PLXDC2: variants seen among roughly 807,000 people sequenced by gnomAD.
PLXDC2 encodes the protein plexin domain-containing protein 2.
In PLXDC2, 40 loss-of-function variants were observed where a neutral mutation model predicts 68.9. That is an observed-to-expected ratio of 0.58 (90% CI 0.45 to 0.76). The LOEUF (loss-of-function observed/expected upper bound fraction) is 0.76, where lower values mean the gene tolerates loss of function less well. PLXDC2 is among the 30% of genes least tolerant of loss of function. PLXDC2 has a pLI of 0.00. For missense variants in PLXDC2, 644 were observed against 661.9 expected (o/e 0.97, Z 0.30); for synonymous variants, 243 against 234.2 (o/e 1.04, Z -0.34).
rs898077759 is a variant in PLXDC2 at position 19,927,053 on chromosome 10, A to G, written c.113-74722A>G. Among the ~76,000 whole-genome samples, 4 of 152,082 alleles carry G rather than the reference A, an allele frequency of 2.6e-5. No homozygotes were observed. In the South Asian group the frequency reaches 6.2e-4, roughly 24 times the overall value. Reference sequence around the variant, plus strand: ...TTATCCATCTGCTCTCTGATTTACTATGGTGTCGTTGTTGCTGACAAAATT... The same window carrying G: ...TTATCCATCTGCTCTCTGATTTACTGTGGTGTCGTTGTTGCTGACAAAATT... On this transcript the variant is annotated intron_variant, in intron 1 of 13. Coordinates refer to ENST00000377252, the MANE Select transcript of PLXDC2 (RefSeq NM_032812.9).
rs530509433 is a variant in PLXDC2 at position 20,014,386 on chromosome 10, C to G, written c.324+12400C>G. 2.2e-3 allele frequency among the ~76,000 whole-genome samples: 34 copies of G among 15,606 alleles called. No homozygotes were observed. In the East Asian group the frequency reaches 0.1, roughly 48 times the overall value. 10.2% of individuals were successfully genotyped at this position (15,606 alleles called of 152,430 possible). A position where few individuals can be genotyped will look rare whatever the true frequency, so the allele number is the denominator to read the frequency against. The stretch of plus-strand genomic sequence containing the variant: ...TCCTTCCTTCCTTCCTTCCTTGCTT[C>G]CTTCCTTCCTTCCTTCCTTCCTTCC... On this transcript the variant is annotated intron_variant, in intron 2 of 13. Coordinates refer to ENST00000377252, the MANE Select transcript of PLXDC2 (RefSeq NM_032812.9).
intron 2 of PLXDC2, among the ~76,000 whole-genome samples, chr10:20,032,433 G>A (rs1195904273): frequency 2.0e-5 from 3 of 152,112 alleles, no homozygotes; most frequent in African/African-American, 7.2e-5. Context: ...ATTTGAACAG[G>A]GGCATGATAT....
chr10:20,187,833 T>C (rs1342326212), intron 9 of PLXDC2, among the ~76,000 whole-genome samples: 14 of 151,852 alleles, frequency 9.2e-5, no homozygotes, highest in Non-Finnish European at 1.9e-4. Flanking sequence ...AAGAGCTGGG[T>C]TGAGTGTAAA....
intron 3 of PLXDC2, among the ~76,000 whole-genome samples, chr10:20,060,101 C>A (rs921713194): frequency 1.3e-5 from 2 of 152,160 alleles, no homozygotes; most frequent in Admixed American, 1.3e-4. Flanking sequence ...GGTGTGATCA[C>A]AGCTCATTGC....
chr10:19,935,313 T>C (rs1326227), intron 1 of PLXDC2, among the ~76,000 whole-genome samples: 6,445 of 152,280 alleles, frequency 0.042, 273 homozygotes, highest in East Asian at 0.18. Context: ...CAGCCAGGCA[T>C]TGCCCTGACA....
chr10:20,200,152 A>T (rs1008761212), intron 9 of PLXDC2, among the ~76,000 whole-genome samples: 5 of 151,896 alleles, frequency 3.3e-5, no homozygotes, highest in African/African-American at 1.2e-4. Flanking sequence ...AAAACAAAAA[A>T]AATAGTATTA....
At chr10:20,199,024 A>T (rs1356251511) in intron 9 of PLXDC2, among the ~76,000 whole-genome samples, 1 of 152,060 alleles carries the variant, frequency 6.6e-6, no homozygotes, top group Non-Finnish European at 1.5e-5. Flanking sequence ...TGTATTATTT[A>T]TTCTGTATAG....
chr10:19,963,107 G>C (rs1834189370), intron 1 of PLXDC2, among the ~76,000 whole-genome samples: 1 of 151,108 alleles, frequency 6.6e-6, no homozygotes, highest in Admixed American at 6.6e-5. Context: ...GATTCTTTCT[G>C]TTGGTAGCTC....
At chr10:20,100,979 T>A (rs1195336035) in intron 4 of PLXDC2, among the ~76,000 whole-genome samples, 1 of 152,252 alleles carries the variant, frequency 6.6e-6, no homozygotes, top group African/African-American at 2.4e-5. Context: ...ACTTACTAGT[T>A]TGGTAATTTA....
At chr10:20,107,026 C>A (rs527857632) in intron 4 of PLXDC2, among the ~76,000 whole-genome samples, 1 of 148,430 alleles carries the variant, frequency 6.7e-6, no homozygotes, top group Non-Finnish European at 1.5e-5. Flanking sequence ...CATATATATA[C>A]ACCATATACT....
chr10:19,920,119 A>G (rs772633998), intron 1 of PLXDC2, among the ~76,000 whole-genome samples: 3 of 152,222 alleles, frequency 2.0e-5, no homozygotes, highest in Non-Finnish European at 4.4e-5. Flanking sequence ...TGCCCCTGCT[A>G]ATTCCCAACC....
At chr10:20,147,152 A>T (rs11011827) in intron 5 of PLXDC2, among the ~76,000 whole-genome samples, 1 of 151,928 alleles carries the variant, frequency 6.6e-6, no homozygotes, top group South Asian at 2.1e-4. Context: ...AGAATATAAT[A>T]TACAGCACTG....
At chr10:20,020,177 A>AT (rs1564659038) in intron 2 of PLXDC2, among the ~76,000 whole-genome samples, 6 of 98,204 alleles carry the variant, frequency 6.1e-5, no homozygotes, top group African/African-American at 2.6e-4. Flanking sequence ...ACACCCAGCA[A>AT]ATTTTTTTTT....
intron 13 of PLXDC2, among the ~76,000 whole-genome samples, chr10:20,266,346 T>G (rs955664971): frequency 4.7e-5 from 7 of 150,492 alleles, no homozygotes; most frequent in African/African-American, 1.7e-4. Context: ...CAAATGTAAA[T>G]TAATGAAATT....
At chr10:20,234,663 C>CTTTTTTTTTTTTTTTTTTTTCT (rs58791520) in intron 12 of PLXDC2, among the ~76,000 whole-genome samples, 3 of 125,420 alleles carry the variant, frequency 2.4e-5, no homozygotes, top group Non-Finnish European at 5.0e-5. Context: ...GGGTTTCTTT[C>CTTTTTTTTTTTTTTTTTTTTCT]TTTTTTTTTT....
intron 1 of PLXDC2, among the ~76,000 whole-genome samples, chr10:19,996,647 G>T (rs1409265469): frequency 6.6e-6 from 1 of 152,102 alleles, no homozygotes; most frequent in Non-Finnish European, 1.5e-5. Context: ...ATGGAAATGT[G>T]ACCTGAGGCA....
At chr10:20,079,583 C>T (rs1397268007) in intron 4 of PLXDC2, among the ~76,000 whole-genome samples, 1 of 152,144 alleles carries the variant, frequency 6.6e-6, no homozygotes, top group African/African-American at 2.4e-5. Context: ...CACATATACA[C>T]CATGGAATAC....
intron 7 of PLXDC2, among the ~76,000 whole-genome samples, chr10:20,173,763 T>C (rs933765670): frequency 1.2e-4 from 18 of 152,210 alleles, no homozygotes; most frequent in African/African-American, 3.6e-4. Flanking sequence ...AAATATATTT[T>C]TGGAATCACA....
At chr10:19,974,607 A>T (rs967635104) in intron 1 of PLXDC2, among the ~76,000 whole-genome samples, 4 of 152,188 alleles carry the variant, frequency 2.6e-5, no homozygotes, top group African/African-American at 9.6e-5. Flanking sequence ...TGAGTATACA[A>T]TTAGGGGACT....
Sources: gnomAD v4.1 joint callset for allele counts (sites outside exome capture counted in the v4.1 genomes callset) on GRCh38, gnomAD v4.1.1 for gene constraint, MANE v1.5 for transcripts, NCBI Gene and HGNC (gene_info 2026-07-23, HGNC 2026-07-21) for gene names.